The following DNAAF5 variants were observed in gnomAD, a reference collection of about 807,000 sequenced individuals.
DNAAF5 encodes HEAT repeat containing 2.
DNAAF5 carries 64 observed loss-of-function variants against 75.8 expected under a neutral mutation model. The ratio of observed to expected loss-of-function variants is 0.84; its 90% CI spans 0.69 to 1.04. The LOEUF (loss-of-function observed/expected upper bound fraction) is 1.04, where lower values mean the gene tolerates loss of function less well. DNAAF5 is among the 50% of genes least tolerant of loss of function. The pLI, the probability that DNAAF5 is intolerant of heterozygous loss-of-function variation, is 0.00. For synonymous variants in DNAAF5, 657 were observed against 557.2 expected, an observed-to-expected ratio of 1.18 and a Z score of -2.52; for missense variants, 1,269 against 1,178.5, an observed-to-expected ratio of 1.08 and a Z score of -1.12.
At chr7:742,222 G>A (rs576176604) in intron 4 of DNAAF5, among the ~76,000 whole-genome samples, 5 of 152,156 alleles carry the variant, frequency 3.3e-5, no homozygotes, top group Admixed American at 2.0e-4. Context: ...GTCTATCTGC[G>A]GGGCATCTTC....
At chr7:777,008 G>C (rs766168546) in intron 11 of DNAAF5, among the ~76,000 whole-genome samples, 2 of 152,148 alleles carry the variant, frequency 1.3e-5, no homozygotes, top group Non-Finnish European at 2.9e-5. Flanking sequence ...CCAAGCTGAC[G>C]CTCCTTATGA....
At chr7:732,733 C>T (rs375523859) in intron 2 of DNAAF5, 19 of 427,950 alleles carry the variant, frequency 4.4e-5, no homozygotes, top group East Asian at 3.5e-4. Flanking sequence ...TTCTGGTTGT[C>T]AGTCCCTTGT....
At chr7:781,832 T>C (rs966940548) in intron 12 of DNAAF5, among the ~76,000 whole-genome samples, 10 of 152,232 alleles carry the variant, frequency 6.6e-5, no homozygotes, top group African/African-American at 2.4e-4. Flanking sequence ...CCATTTTTAA[T>C]TGGATTATTA....
At chr7:743,504 C>G (rs567251208) in intron 4 of DNAAF5, among the ~76,000 whole-genome samples, 1 of 152,148 alleles carries the variant, frequency 6.6e-6, no homozygotes, top group African/African-American at 2.4e-5. Context: ...TCCTCCCGGT[C>G]GGCATTCTCC....
At chr7:740,749 C>A in intron 2 of DNAAF5, 70 bp from the exon 3 acceptor site, 1 of 1,589,228 alleles carries the variant, frequency 6.3e-7, no homozygotes. Flanking sequence ...GCACTCAGAG[C>A]CGCACCGTGG....
intron 12 of DNAAF5, among the ~76,000 whole-genome samples, chr7:784,744 C>T (rs906194493): frequency 6.6e-6 from 1 of 152,202 alleles, no homozygotes; most frequent in South Asian, 2.1e-4. Context: ...AATTGGCATC[C>T]GCAAATTGGA....
intron 8 of DNAAF5, among the ~76,000 whole-genome samples, chr7:769,853 C>G (rs1203456579): frequency 2.6e-5 from 4 of 152,204 alleles, no homozygotes; most frequent in South Asian, 2.1e-4. Flanking sequence ...GTTGGTCAGG[C>G]TGGTCTCGAA....
intron 6 of DNAAF5, among the ~76,000 whole-genome samples, chr7:761,469 C>T (rs912102278): frequency 6.6e-6 from 1 of 152,274 alleles, no homozygotes; most frequent in Non-Finnish European, 1.5e-5. Context: ...GCTGTGCAGG[C>T]CTCACCATCA....
Position 739,449 on chromosome 7 carries a change from G to A in DNAAF5, c.781-1370G>A, listed in dbSNP as rs1320094239. On this transcript the variant is annotated intron_variant, in intron 2 of 12. Coordinates refer to ENST00000297440, the MANE Select transcript of DNAAF5 (RefSeq NM_017802.4). Reference sequence around the variant, plus strand: ...GGACTCTCTAGCCAGGTGGTGGAATGGCCGTGGAGCTGATTTGGGTTTCTC... The same window carrying A: ...GGACTCTCTAGCCAGGTGGTGGAATAGCCGTGGAGCTGATTTGGGTTTCTC... 2.0e-5 allele frequency among the ~76,000 whole-genome samples: 3 copies of A among 152,226 alleles called. No individual in the cohort carries two copies. In the East Asian group the frequency reaches 5.8e-4, roughly 29 times the overall value.
chr7:779,683 A>T (rs905081822), intron 11 of DNAAF5, among the ~76,000 whole-genome samples: 1 of 152,162 alleles, frequency 6.6e-6, no homozygotes, highest in Non-Finnish European at 1.5e-5. Context: ...CTACAGCTAC[A>T]GGGAGGCTCT....
chr7:759,450 A>G (rs1440276694), intron 6 of DNAAF5, among the ~76,000 whole-genome samples: 1 of 152,196 alleles, frequency 6.6e-6, no homozygotes, highest in East Asian at 1.9e-4. Context: ...TTTGCTTCTC[A>G]CACAGGGAAG....
At position 756,906 on chromosome 7, in the gene DNAAF5, G is replaced by A. The variant is rs760002404; in HGVS notation, c.1382G>A (p.Arg461Gln). The A allele has an allele frequency of 4.7e-5, 75 of 1,612,134 alleles. No homozygotes were observed. The highest frequency in any genetic ancestry group is 3.3e-5 in the South Asian group (3 of 91,086). The change falls in exon 6 of 13, where the codon CGG becomes CAG. Residue 461 changes from arginine (R) to glutamine (Q), a missense_variant. Physicochemically the swap from Arg to Gln is conservative, Grantham distance 43 (BLOSUM62 1). Transcript: ENST00000297440. Reference protein sequence around the residue: ...SGLLVLASAMRGCPREALQPH... With the variant: ...SGLLVLASAMQGCPREALQPH... The stretch of plus-strand genomic sequence containing the variant: ...CTCCTGGTGCTGGCCTCCGCCATGC[G>A]GGGTTGCCCCCGAGAAGCCCTCCAG...
chr7:749,150 G>A (rs528273179), intron 4 of DNAAF5, among the ~76,000 whole-genome samples: 66 of 152,252 alleles, frequency 4.3e-4, no homozygotes, highest in African/African-American at 1.3e-3. Flanking sequence ...ACCACTTACC[G>A]TCCTCAAGTC....
rs185688276 is a variant in DNAAF5 at position 727,808 on chromosome 7, C to T, written c.595+493C>T. Among the ~76,000 whole-genome samples the T allele has an allele frequency of 5.2e-3, 762 of 146,952 alleles. 11 individuals carry two copies. The highest frequency in any genetic ancestry group is 0.018 in the African/African-American group (722 of 39,282). ...CCCGCGACCCTCACCTCCCACCCTC[C>T]TCCCTGCCTGAGCCCCCTCCACCCC... On this transcript the variant is annotated intron_variant, in intron 1 of 12. Coordinates refer to ENST00000297440, the MANE Select transcript of DNAAF5 (RefSeq NM_017802.4).
chr7:784,259 C>T (rs1453849174), intron 12 of DNAAF5, among the ~76,000 whole-genome samples: 1 of 152,224 alleles, frequency 6.6e-6, no homozygotes, highest in Admixed American at 6.5e-5. Flanking sequence ...CACTGCTCCT[C>T]TGCTGTGTCT....
In DNAAF5 at chr7:754,189, G is replaced by C. The variant is rs774500796; in HGVS notation, c.1025-400G>C. Reference sequence around the variant, plus strand: ...CTCTAAATGTTTGTTTTTTGAGACAGGGTCTCGCTCTGTCACCCAGGCTGG... The same window carrying C: ...CTCTAAATGTTTGTTTTTTGAGACACGGTCTCGCTCTGTCACCCAGGCTGG... On this transcript the variant is annotated intron_variant, in intron 4 of 12. Coordinates refer to ENST00000297440, the MANE Select transcript of DNAAF5 (RefSeq NM_017802.4). This position sits in a 1 kb window ranked among gnomAD's most constrained non-coding sequence, Gnocchi z 4.8. 5.9e-5 allele frequency among the ~76,000 whole-genome samples: 9 copies of C among 152,230 alleles called. No homozygotes were observed. The highest frequency in any genetic ancestry group is 1.0e-4 in the Non-Finnish European group (7 of 68,038).
At chr7:766,021 G>A (rs1381148321) in intron 8 of DNAAF5, among the ~76,000 whole-genome samples, 1 of 152,136 alleles carries the variant, frequency 6.6e-6, no homozygotes, top group Non-Finnish European at 1.5e-5. Context: ...TAGACATGGG[G>A]TCTCTTTATG....
At chr7:747,141 C>T (rs1299239638) in intron 4 of DNAAF5, among the ~76,000 whole-genome samples, 1 of 152,194 alleles carries the variant, frequency 6.6e-6, no homozygotes, top group Non-Finnish European at 1.5e-5. Context: ...AACACTCAGG[C>T]GTGGGGTTGC....
chr7:764,512 C>T (rs540206096), intron 8 of DNAAF5, among the ~76,000 whole-genome samples: 5 of 152,328 alleles, frequency 3.3e-5, no homozygotes, highest in Admixed American at 2.0e-4. Context: ...ACACGGCCCG[C>T]GCTGCTCCAC....
Sources: gnomAD v4.1 joint callset for allele counts (sites outside exome capture counted in the v4.1 genomes callset) on GRCh38, gnomAD v4.1.1 for gene constraint, Gnocchi (gnomAD v3.1) non-coding constraint, MANE v1.5 for transcripts, NCBI Gene and HGNC (gene_info 2026-07-23, HGNC 2026-07-21) for gene names.